Variants in TTC1 observed in about 807,000 individuals in gnomAD.
TTC1 encodes tetratricopeptide repeat domain 1.
TTC1 carries 31 observed loss-of-function variants against 37.6 expected under a neutral mutation model. That is an observed-to-expected ratio of 0.82 (90% CI 0.62 to 1.11). The LOEUF is 1.11. Ranked by LOEUF, TTC1 falls within the 50% of genes most tolerant of loss-of-function variation. The probability of loss-of-function intolerance (pLI) is 0.00; values close to 1 mark genes in which losing one functional copy is unlikely to be tolerated. For synonymous variants in TTC1, 127 were observed against 122.4 expected, an observed-to-expected ratio of 1.04 and a Z score of -0.25; for missense variants, 351 against 339.0, an observed-to-expected ratio of 1.04 and a Z score of -0.28.
chr5:160,009,669 T>A (rs1039205547), intron 1 of TTC1, among the ~76,000 whole-genome samples: 10 of 152,120 alleles, frequency 6.6e-5, no homozygotes, highest in Non-Finnish European at 1.3e-4. Flanking sequence ...TTGGTCAGGG[T>A]CTGAGCAGTG....
rs531410507 is a variant in TTC1, at chr5:160,017,829, AT to A, written c.330+6978del. On this transcript the variant is annotated intron_variant, in intron 2 of 7. Transcript: ENST00000231238. ...ATAATTGGCCTTATAAGTTACAGAA[AT>A]TTTTTTCTCACATTTATTCAAGTAA... 2.2e-3 allele frequency among the ~76,000 whole-genome samples: 340 copies of A among 152,184 alleles called. 2 individuals are homozygous for A. The highest frequency in any genetic ancestry group is 7.6e-3 in the African/African-American group (317 of 41,520).
At chr5:160,046,376 A>AT (rs1017828281) in intron 5 of TTC1, among the ~76,000 whole-genome samples, 20 of 152,010 alleles carry the variant, frequency 1.3e-4, no homozygotes, top group African/African-American at 4.6e-4. Flanking sequence ...AACTCTATTC[A>AT]TTTTTTCCCT....
intron 4 of TTC1, among the ~76,000 whole-genome samples, chr5:160,039,858 T>TA (rs568099754): frequency 1.1e-4 from 16 of 152,230 alleles, no homozygotes; most frequent in Middle Eastern, 3.4e-3. Flanking sequence ...GAAAGAGAAA[T>TA]AAAAAAAGGT....
At chr5:160,046,874 T>A (rs1303369634) in intron 5 of TTC1, among the ~76,000 whole-genome samples, 1 of 152,010 alleles carries the variant, frequency 6.6e-6, no homozygotes, top group Non-Finnish European at 1.5e-5. Context: ...TAGCAGGGCA[T>A]GGCGGCACGT....
rs1466855877 is a variant in TTC1, at chr5:160,057,399, T to C, written c.745+6216T>C. Among the ~76,000 whole-genome samples, 8 of 151,592 alleles carry C rather than the reference T, an allele frequency of 5.3e-5. No homozygotes were observed. Among genetic ancestry groups the C allele is most frequent in the African/African-American group, 1.9e-4 (8 of 41,338 alleles). On this transcript the variant is annotated intron_variant, in intron 7 of 7. Coordinates refer to ENST00000231238, the MANE Select transcript of TTC1 (RefSeq NM_003314.3). The surrounding 1 kb of genome is among the most constrained non-coding windows in gnomAD (Gnocchi z 4.4). ...TAGTCTACTAAGTATGCAACAGCAC[T>C]GTGTCTAAAAAAAAAAAATGTACAT...
rs181416014 is a variant in TTC1 at position 160,019,645 on chromosome 5, C to T, written c.330+8787C>T. ...CTCTGTTGCCCAAGCTGGAGTGCAGCGGTGCGATCTCTGCTCACTGCAACC... is the reference window on the plus strand; with the variant it reads ...CTCTGTTGCCCAAGCTGGAGTGCAGTGGTGCGATCTCTGCTCACTGCAACC... On this transcript the variant is annotated intron_variant, in intron 2 of 7. Coordinates refer to ENST00000231238, the MANE Select transcript of TTC1 (RefSeq NM_003314.3). Among the ~76,000 whole-genome samples the T allele has an allele frequency of 2.3e-3, 321 of 139,510 alleles. 8 individuals are homozygous for T. In the Admixed American group the frequency reaches 0.024, roughly 10 times the overall value. 91.5% of individuals were successfully genotyped at this position (139,510 alleles called of 152,430 possible).
At chr5:160,027,096 A>G (rs1756819614) in intron 2 of TTC1, among the ~76,000 whole-genome samples, 1 of 150,918 alleles carries the variant, frequency 6.6e-6, no homozygotes, top group Non-Finnish European at 1.5e-5. Flanking sequence ...GGGTGCAATC[A>G]TGGATCACTG....
chr5:160,063,356 C>T (rs1246555221), intron 7 of TTC1, among the ~76,000 whole-genome samples: 2 of 152,166 alleles, frequency 1.3e-5, no homozygotes, highest in Non-Finnish European at 2.9e-5. Context: ...GCTGTGACAA[C>T]AGGTGTGTGC....
intron 2 of TTC1, chr5:160,024,153 G>T (rs1756761749): frequency 1.7e-6 from 1 of 582,576 alleles, no homozygotes; most frequent in Non-Finnish European, 3.1e-6. Context: ...CCATAAGTAT[G>T]TTGAAAAACT....
chr5:160,033,003 C>T (rs186870361), intron 2 of TTC1, among the ~76,000 whole-genome samples: 59 of 152,036 alleles, frequency 3.9e-4, no homozygotes, highest in Admixed American at 2.0e-3. Flanking sequence ...GGATTACAGG[C>T]GTGAGCCACC....
At chr5:160,023,904 G>C in intron 2 of TTC1, 1 of 1,600,958 alleles carries the variant, frequency 6.2e-7, no homozygotes, top group Admixed American at 1.7e-5. Context: ...GTGGGGTCAG[G>C]CTTCTCAAAC....
chr5:160,045,509 C>G (rs1166668368), intron 5 of TTC1, among the ~76,000 whole-genome samples: 1 of 76,116 alleles, frequency 1.3e-5, no homozygotes. Context: ...CACACACACA[C>G]ACACATACAC....
In TTC1 at chr5:160,065,142, A is replaced by G. The variant is rs1403542495; in HGVS notation, c.*77A>G. The G allele has an allele frequency of 2.6e-6, 4 of 1,559,118 alleles. No homozygotes were observed. In the East Asian group the frequency reaches 9.0e-5, roughly 35 times the overall value. On this transcript the variant is annotated 3_prime_UTR_variant, in exon 8 of 8. Transcript: ENST00000231238. ...GTTAGCTAGGGGAAAGGCCCTGCCA[A>G]TGTTTAACTTTTAAAAGCATCTTAT...
intron 3 of TTC1, 58 bp from the exon 4 acceptor site, chr5:160,036,633 A>G (rs1757003334): frequency 8.6e-7 from 1 of 1,164,650 alleles, no homozygotes; most frequent in Non-Finnish European, 1.3e-6. Flanking sequence ...ATCCTGTGGA[A>G]TATAGTAGTA....
At chr5:160,028,128 T>C (rs1756838462) in intron 2 of TTC1, among the ~76,000 whole-genome samples, 1 of 152,046 alleles carries the variant, frequency 6.6e-6, no homozygotes, top group Non-Finnish European at 1.5e-5. Context: ...TGAAACTCTG[T>C]CTCTACTAAA....
chr5:160,020,075 C>T lies in TTC1; in HGVS notation c.330+9217C>T, dbSNP rs534061196. ...TCCCAAGTAGCTGGGATTACAGGTG[C>T]CCACCACCACACCCAGCTAATTTTT... On this transcript the variant is annotated intron_variant, in intron 2 of 7. Transcript: ENST00000231238. 1.1e-4 allele frequency among the ~76,000 whole-genome samples: 17 copies of T among 150,488 alleles called. No homozygotes were observed. In the Middle Eastern group the frequency reaches 0.011, roughly 98 times the overall value.
At chr5:160,009,635 G>T (rs1224740629) in intron 1 of TTC1, among the ~76,000 whole-genome samples, 1 of 152,158 alleles carries the variant, frequency 6.6e-6, no homozygotes, top group Non-Finnish European at 1.5e-5. Flanking sequence ...GCCCTTGCTT[G>T]ACGCGACACT....
chr5:160,047,945 T>C (rs1229099336), intron 5 of TTC1, among the ~76,000 whole-genome samples: 4 of 152,146 alleles, frequency 2.6e-5, no homozygotes, highest in Non-Finnish European at 5.9e-5. Context: ...TCTTGCCTAC[T>C]AGAATAGCAT....
chr5:160,041,231 A>G (rs1226248478), intron 4 of TTC1, among the ~76,000 whole-genome samples: 1 of 152,136 alleles, frequency 6.6e-6, no homozygotes, highest in African/African-American at 2.4e-5. Flanking sequence ...CTCTTAACAT[A>G]ATAAAAAGTA....
Sources: allele counts gnomAD v4.1 joint callset (sites outside exome capture counted in the v4.1 genomes callset), GRCh38; gene constraint gnomAD v4.1.1; non-coding constraint Gnocchi (gnomAD v3.1); transcripts MANE v1.5; gene names NCBI Gene and HGNC (gene_info 2026-07-23, HGNC 2026-07-21).